MAK: variants seen among roughly 807,000 people sequenced by gnomAD.
The protein encoded by MAK is serine/threonine-protein kinase MAK.
A neutral mutation model predicts 82.6 loss-of-function variants in MAK; 65 were observed. That is an observed-to-expected ratio of 0.79 (90% confidence interval 0.64 to 0.97). The LOEUF (loss-of-function observed/expected upper bound fraction) is 0.97. Among genes scored for constraint, MAK ranks in the 50% least tolerant of loss-of-function variants. The pLI, the probability that MAK is intolerant of heterozygous loss-of-function variation, is 0.00. For missense variants in MAK, 703 were observed against 780.2 expected, an observed-to-expected ratio of 0.90 and a Z score of 1.18; for synonymous variants, 250 against 274.2, an observed-to-expected ratio of 0.91 and a Z score of 0.87.
At chr6:10,823,788 C>T (rs558165997) in intron 2 of MAK, among the ~76,000 whole-genome samples, 1 of 152,136 alleles carries the variant, frequency 6.6e-6, no homozygotes, top group African/African-American at 2.4e-5. Flanking sequence ...ACTTGGCCTC[C>T]CAAAGTGCTG....
chr6:10,817,551 T>C (rs1235423393), intron 4 of MAK, among the ~76,000 whole-genome samples: 5 of 152,218 alleles, frequency 3.3e-5, no homozygotes. Flanking sequence ...CAAGGCCAGC[T>C]TTATTATTGA....
chr6:10,826,834 G>T (rs61702794), intron 2 of MAK, among the ~76,000 whole-genome samples: 50 of 152,270 alleles, frequency 3.3e-4, no homozygotes, highest in African/African-American at 1.1e-3. Context: ...ACAGTAGGCC[G>T]GGCACGGTGG....
intron 2 of MAK, among the ~76,000 whole-genome samples, chr6:10,823,264 G>A (rs1409505875): frequency 6.6e-6 from 1 of 152,040 alleles, no homozygotes. Context: ...CTTCCTACTT[G>A]TTAAATTCCA....
intron 2 of MAK, among the ~76,000 whole-genome samples, chr6:10,819,906 A>G (rs1777793094): frequency 6.6e-6 from 1 of 151,766 alleles, no homozygotes; most frequent in Non-Finnish European, 1.5e-5. Context: ...AGGTCAGGAG[A>G]TCGAGACCAT....
intron 8 of MAK, 40 bp downstream of exon 8, chr6:10,801,852 C>T: frequency 6.2e-7 from 1 of 1,600,476 alleles, no homozygotes; most frequent in Non-Finnish European, 8.6e-7. Flanking sequence ...ATTACAAAAC[C>T]TAAACATTTT....
chr6:10,779,036 G>GAGA (rs1352010038), intron 11 of MAK, among the ~76,000 whole-genome samples: 3 of 147,976 alleles, frequency 2.0e-5, no homozygotes, highest in African/African-American at 7.6e-5. Flanking sequence ...TCTGAGGCAG[G>GAGA]AGAATCACCT....
In MAK at chr6:10,835,048, C is replaced by T. The variant is rs531439817; in HGVS notation, c.-230+3455G>A. Among the ~76,000 whole-genome samples, 5 of 152,324 alleles carry T rather than the reference C, an allele frequency of 3.3e-5. No individual in the cohort carries two copies. The East Asian group carries it at 7.7e-4, about 24-fold the overall frequency. ...CACACTTGTGGGTAATTAACATGGT[C>T]GCACCGCTCCCCCGCCCCACGCAGT... On this transcript the variant is annotated intron_variant, in intron 1 of 14. Transcript: ENST00000354489.
intron 12 of MAK, among the ~76,000 whole-genome samples, chr6:10,774,122 C>T (rs1386976773): frequency 6.6e-6 from 1 of 151,978 alleles, no homozygotes; most frequent in Non-Finnish European, 1.5e-5. Context: ...TTATTTATAC[C>T]TCAGCTTCCA....
intron 9 of MAK, among the ~76,000 whole-genome samples, chr6:10,795,538 C>T (rs745990220): frequency 1.3e-5 from 2 of 151,994 alleles, no homozygotes; most frequent in Non-Finnish European, 2.9e-5. Context: ...CAGTCAGGAA[C>T]TCAAGACCAG....
intron 11 of MAK, chr6:10,779,199 G>A (rs149126828): frequency 7.6e-4 from 179 of 236,250 alleles, no homozygotes; most frequent in African/African-American, 3.7e-3. Flanking sequence ...TGGTGGCATC[G>A]ATTCATGCCC....
chr6:10,803,737 A>T lies in MAK; in HGVS notation c.646T>A (p.Leu216Ile), dbSNP rs769287766. The T allele has an allele frequency of 6.2e-7, 1 of 1,614,042 alleles. No individual in the cohort carries two copies. The highest frequency in any genetic ancestry group is 8.5e-7 in the Non-Finnish European group (1 of 1,180,006). The change falls in exon 7 of 15, where the codon TTA becomes ATA. Residue 216 changes from leucine (L) to isoleucine (I), a missense_variant. Leu to Ile is a conservative substitution (Grantham distance 5, BLOSUM62 2). Coordinates refer to ENST00000354489, the MANE Select transcript of MAK (RefSeq NM_001242957.3). ...VDEIFKICQV[L>I]GTPKKSDWPE... is the part of the protein sequence containing the mutation. The stretch of plus-strand genomic sequence containing the variant: ...GTACTTACTTTTTTGGGAGTCCCTA[A>T]AACTTGGCAAATTTTAAAGATTTCA...
intron 4 of MAK, among the ~76,000 whole-genome samples, chr6:10,816,145 A>G (rs58097936): frequency 0.059 from 8,939 of 151,196 alleles, 830 homozygotes; most frequent in African/African-American, 0.2. Context: ...GGCTGGGATT[A>G]TGGGTGGCCT....
intron 6 of MAK, among the ~76,000 whole-genome samples, chr6:10,806,762 G>C (rs913238836): frequency 2.0e-5 from 3 of 151,970 alleles, no homozygotes; most frequent in African/African-American, 7.3e-5. Flanking sequence ...CACAGTGCTG[G>C]GATTCAGGTG....
At chr6:10,795,070 A>G (rs542356284) in intron 9 of MAK, among the ~76,000 whole-genome samples, 1 of 152,334 alleles carries the variant, frequency 6.6e-6, no homozygotes, top group South Asian at 2.1e-4. Context: ...CTGTAAAATG[A>G]AAGTACTGTT....
At position 10,763,714 on chromosome 6, in the gene MAK, G is replaced by C. The variant is rs1434109933; in HGVS notation, c.*738C>G. On this transcript the variant is annotated 3_prime_UTR_variant, in exon 15 of 15. Transcript: ENST00000354489. The stretch of plus-strand genomic sequence containing the variant: ...AATACTACAAAAATTAGCCAGGCAT[G>C]GTGGCACACGCCTCTAATCCCAGCT... 6.6e-6 allele frequency: 1 copy of C among 152,094 alleles called. No individual in the cohort carries two copies. The highest frequency in any genetic ancestry group is 1.5e-5 in the Non-Finnish European group (1 of 68,134). The allele number at this position is 152,094 out of a possible 1,614,324, so 9.4% of individuals were successfully genotyped here.
At chr6:10,837,239 GA>G (rs917815327) in intron 1 of MAK, among the ~76,000 whole-genome samples, 1 of 151,988 alleles carries the variant, frequency 6.6e-6, no homozygotes, top group Non-Finnish European at 1.5e-5. Flanking sequence ...AGCAACGCAG[GA>G]AAAAAAGATC....
At chr6:10,791,289 CAG>C (rs773212036) in intron 10 of MAK, among the ~76,000 whole-genome samples, 5 of 151,508 alleles carry the variant, frequency 3.3e-5, no homozygotes, top group Admixed American at 3.3e-4. Context: ...TTTTTTGAGA[CAG>C]AGTCTCACTT....
chr6:10,835,049 G>GCA (rs1779065041), intron 1 of MAK, among the ~76,000 whole-genome samples: 1 of 152,168 alleles, frequency 6.6e-6, no homozygotes, highest in Non-Finnish European at 1.5e-5. Context: ...TAACATGGTC[G>GCA]CACCGCTCCC....
In MAK at chr6:10,791,713, A is replaced by C; in HGVS notation, c.1278T>G (p.Gly426=). The C allele has an allele frequency of 6.2e-7, 1 of 1,613,920 alleles. No homozygotes were observed. Among genetic ancestry groups the C allele is most frequent in the African/African-American group, 1.3e-5 (1 of 75,012 alleles). ...CTTTTTTCCTTTTTTCTTTAAAAACACCCATGCTTGGCTTCTTGGAATGGG... is the reference window on the plus strand; with the variant it reads ...CTTTTTTCCTTTTTTCTTTAAAAACCCCCATGCTTGGCTTCTTGGAATGGG... The part of the protein sequence containing the change: ...GASHSKKPSM[G]VFKEKRKKDS... Residue 426 remains glycine (G), a synonymous_variant, in exon 10 of 15, where the codon GGT becomes GGG. Transcript: ENST00000354489.
Sources: gnomAD v4.1 joint callset for allele counts (sites outside exome capture counted in the v4.1 genomes callset) on GRCh38, gnomAD v4.1.1 for gene constraint, MANE v1.5 for transcripts, NCBI Gene and HGNC (gene_info 2026-07-23, HGNC 2026-07-21) for gene names.